PTPRZ1: variants seen among roughly 807,000 people sequenced by gnomAD.
PTPRZ1 encodes receptor-type tyrosine-protein phosphatase zeta.
A neutral mutation model predicts 214.1 loss-of-function variants in PTPRZ1; 82 were observed. The ratio of observed to expected loss-of-function variants is 0.38; its 90% CI spans 0.32 to 0.46. PTPRZ1 has a LOEUF of 0.46. Ranked by LOEUF, PTPRZ1 falls within the 20% of genes least tolerant of loss-of-function variation. The pLI is 1.00. For missense variants in PTPRZ1, 2,603 were observed against 2,748.7 expected, an observed-to-expected ratio of 0.95 and a Z score of 1.19; for synonymous variants, 945 against 987.9, an observed-to-expected ratio of 0.96 and a Z score of 0.81.
intron 2 of PTPRZ1, among the ~76,000 whole-genome samples, chr7:121,931,420 A>G (rs1278793330): frequency 6.6e-6 from 1 of 152,164 alleles, no homozygotes; most frequent in Admixed American, 6.5e-5. Context: ...TATGAGTAAA[A>G]TGAAAAACAA....
Position 121,873,266 on chromosome 7 carries a change from A to G in PTPRZ1, c.-234A>G. 2.1e-6 allele frequency: 1 copy of G among 478,310 alleles called. No individual in the cohort carries two copies. Among genetic ancestry groups the G allele is most frequent in the Non-Finnish European group, 3.7e-6 (1 of 270,180 alleles). 29.6% of individuals were successfully genotyped at this position (478,310 alleles called of 1,614,324 possible). The stretch of plus-strand genomic sequence containing the variant: ...CCCACCACCGTGCGGCTTTCTCCAG[A>G]TTATTCCTCTCTCGCTGTCTCTGAC... On this transcript the variant is annotated 5_prime_UTR_variant, in exon 1 of 30. Transcript: ENST00000393386.
intron 27 of PTPRZ1, among the ~76,000 whole-genome samples, chr7:122,057,722 A>G (rs1312717325): frequency 8.4e-6 from 1 of 118,604 alleles, no homozygotes; most frequent in African/African-American, 3.1e-5. Context: ...TGATCTTTTT[A>G]TTCCTGGCCT....
Position 122,058,851 on chromosome 7 carries a change from C to G in PTPRZ1, c.6580C>G (p.Pro2194Ala). Residue 2194 changes from proline to alanine, a missense_variant, in exon 28 of 30, where the codon CCA becomes GCA. Physicochemically the swap from Pro to Ala is conservative, Grantham distance 27. Coordinates refer to ENST00000393386, the MANE Select transcript of PTPRZ1 (RefSeq NM_002851.3). ...RHFQCPKWPN[P>A]DSPISKTFEL... ...CTTTCAGTGTCCTAAATGGCCAAAT[C>G]CAGATAGCCCCATTAGTAAAACTTT... 1 of 1,598,702 alleles carries G rather than the reference C, an allele frequency of 6.3e-7. No homozygotes were observed. The highest frequency in any genetic ancestry group is 1.3e-5 in the African/African-American group (1 of 74,592).
intron 2 of PTPRZ1, among the ~76,000 whole-genome samples, chr7:121,954,476 TA>T (rs1453827663): frequency 6.6e-6 from 1 of 152,202 alleles, no homozygotes; most frequent in African/African-American, 2.4e-5. Context: ...GATACCTGTT[TA>T]TTGAGACTTA....
chr7:122,010,187 T>A, intron 11 of PTPRZ1, 147 bp from the exon 12 acceptor site: 1 of 718,032 alleles, frequency 1.4e-6, no homozygotes, highest in Non-Finnish European at 2.2e-6. Context: ...AGGTTGTAGG[T>A]TAGAGGTATG....
intron 12 of PTPRZ1, among the ~76,000 whole-genome samples, chr7:122,017,442 C>A (rs971598940): frequency 1.3e-5 from 2 of 151,958 alleles, no homozygotes; most frequent in African/African-American, 4.8e-5. Context: ...TTTAATCACA[C>A]CTTTGAATTC....
intron 3 of PTPRZ1, among the ~76,000 whole-genome samples, chr7:121,972,056 T>A (rs1363357918): frequency 1.3e-5 from 2 of 152,150 alleles, no homozygotes; most frequent in Non-Finnish European, 2.9e-5. Flanking sequence ...GTTCTGGACC[T>A]TGCTAATGAA....
intron 6 of PTPRZ1, among the ~76,000 whole-genome samples, chr7:121,977,241 T>A (rs935708184): frequency 2.0e-5 from 3 of 152,190 alleles, no homozygotes; most frequent in African/African-American, 7.2e-5. Flanking sequence ...GAAAAGGAAT[T>A]GTTACTCAAG....
intron 3 of PTPRZ1, 65 bp from the exon 4 acceptor site, chr7:121,972,476 A>G (rs558414339): frequency 8.6e-5 from 123 of 1,422,460 alleles, no homozygotes; most frequent in African/African-American, 4.3e-4. Context: ...AGTAGATGGA[A>G]ATTTAGTTGA....
chr7:121,993,071 T>C (rs745334033), intron 8 of PTPRZ1, among the ~76,000 whole-genome samples: 4 of 152,158 alleles, frequency 2.6e-5, no homozygotes, highest in Non-Finnish European at 5.9e-5. Flanking sequence ...ATGTGAGATA[T>C]AGGCCTGAGG....
At chr7:122,033,868 A>C in intron 15 of PTPRZ1, 1 of 530,516 alleles carries the variant, frequency 1.9e-6, no homozygotes, top group Non-Finnish European at 3.3e-6. Context: ...ATCTCCTTTT[A>C]AAAGTGTTAT....
chr7:121,902,476 T>C (rs141640610), intron 1 of PTPRZ1, among the ~76,000 whole-genome samples: 8 of 152,286 alleles, frequency 5.3e-5, no homozygotes, highest in African/African-American at 1.4e-4. Context: ...TACATTCCCA[T>C]TGACAGGGAA....
intron 1 of PTPRZ1, among the ~76,000 whole-genome samples, chr7:121,891,181 T>C (rs557628885): frequency 6.6e-6 from 1 of 152,292 alleles, no homozygotes; most frequent in East Asian, 1.9e-4. Flanking sequence ...TGTTCAATGA[T>C]ACTTTTTCAT....
intron 1 of PTPRZ1, among the ~76,000 whole-genome samples, chr7:121,905,091 A>G (rs1795077858): frequency 1.3e-5 from 2 of 152,164 alleles, no homozygotes; most frequent in African/African-American, 2.4e-5. Flanking sequence ...GAACCTTCGT[A>G]TATGCTTTCA....
At chr7:122,034,845 T>C (rs930776495) in intron 17 of PTPRZ1, among the ~76,000 whole-genome samples, 20 of 152,288 alleles carry the variant, frequency 1.3e-4, no homozygotes, top group African/African-American at 4.6e-4. Flanking sequence ...TTGGATTCTT[T>C]CTTTTAATTC....
chr7:121,916,765 G>C (rs1210044483), intron 1 of PTPRZ1, among the ~76,000 whole-genome samples: 1 of 152,200 alleles, frequency 6.6e-6, no homozygotes, highest in Non-Finnish European at 1.5e-5. Context: ...GTAAGACCCA[G>C]TGCTGTCATT....
At chr7:121,882,535 A>G (rs1376655363) in intron 1 of PTPRZ1, among the ~76,000 whole-genome samples, 2 of 152,218 alleles carry the variant, frequency 1.3e-5, no homozygotes, top group Non-Finnish European at 2.9e-5. Flanking sequence ...AGAGGAGTAT[A>G]ACAGTAAAAG....
chr7:122,013,494 AAGATAATAG>A lies in PTPRZ1; in HGVS notation c.4451_4459del (p.Asp1484_Arg1486del). The A allele has an allele frequency of 6.2e-7, 1 of 1,614,152 alleles. No homozygotes were observed. The highest frequency in any genetic ancestry group is 8.5e-7 in the Non-Finnish European group (1 of 1,180,032). On this transcript the variant is annotated inframe_deletion, in exon 12 of 30. Transcript: ENST00000393386. ...TACTCACTATCTGAGAATTCTGAAG[AAGATAATAG>A]AGTCACAAGTGTATCCTCAGACAGT...
chr7:121,877,315 A>G (rs1301050333), intron 1 of PTPRZ1, among the ~76,000 whole-genome samples: 2 of 152,040 alleles, frequency 1.3e-5, no homozygotes, highest in Non-Finnish European at 2.9e-5. Context: ...TCCTCTTTTC[A>G]TTCCCAGGAT....
Sources: gnomAD v4.1 joint callset for allele counts (sites outside exome capture counted in the v4.1 genomes callset) on GRCh38, gnomAD v4.1.1 for gene constraint, MANE v1.5 for transcripts, NCBI Gene and HGNC (gene_info 2026-07-23, HGNC 2026-07-21) for gene names.